Variants in CYP4F2 observed in about 807,000 individuals in gnomAD.
The protein encoded by CYP4F2 is cytochrome P450 family 4 subfamily F member 2, also known as cytochrome P450 4F2.
CYP4F2 carries 58 observed loss-of-function variants against 58.9 expected under a neutral mutation model. The ratio of observed to expected loss-of-function variants is 0.98; its 90% CI spans 0.80 to 1.23. CYP4F2 has a LOEUF of 1.23. Among genes scored for constraint, CYP4F2 ranks in the 50% most tolerant of loss-of-function variants. The pLI is 0.00. For missense variants in CYP4F2, 616 were observed against 685.6 expected, an observed-to-expected ratio of 0.90 and a Z score of 1.13; for synonymous variants, 287 against 261.1, an observed-to-expected ratio of 1.10 and a Z score of -0.95.
rs1478506576 is a variant in CYP4F2, at chr19:15,892,403, C to T, written c.431G>A (p.Trp144Ter). ...DGLLLSAGDK[W>*]SRHRRMLTPA... is the part of the protein sequence containing the mutation. ...CGTCAGCATCCGACGGTGGCGGCTC[C>T]ACTTGTCACCAGCACTCAGCAGGAG... Residue 144 changes from tryptophan (W) to a stop codon, truncating the protein, a stop_gained, in exon 5 of 13, where the codon TGG (tryptophan) becomes TAG (stop). Coordinates refer to ENST00000221700, the MANE Select transcript of CYP4F2 (RefSeq NM_001082.5). LOFTEE classifies it high-confidence loss of function. 2 of 1,614,192 alleles carry T rather than the reference C, an allele frequency of 1.2e-6. No homozygotes were observed. Among genetic ancestry groups the T allele is most frequent in the East Asian group, 2.2e-5 (1 of 44,870 alleles).
In CYP4F2 at chr19:15,886,327, C is replaced by A. The variant is rs1380937780; in HGVS notation, c.919-19G>T. 2 of 1,432,486 alleles carry A rather than the reference C, an allele frequency of 1.4e-6. No homozygotes were observed. The highest frequency in any genetic ancestry group is 1.9e-6 in the Non-Finnish European group (2 of 1,076,602). The allele number at this position is 1,432,486 out of a possible 1,614,324, so 88.7% of individuals were successfully genotyped here. On this transcript the variant is annotated intron_variant, in intron 7 of 12. Transcript: ENST00000221700. Reference sequence around the variant, plus strand: ...CTTCATCCTGGAGAGAAGGCAGTAACCCCCCCCAACCCCCACCCCCATAAA... The same window carrying A: ...CTTCATCCTGGAGAGAAGGCAGTAAACCCCCCCAACCCCCACCCCCATAAA...
At chr19:15,881,050 T>C (rs1363401476) in intron 9 of CYP4F2, among the ~76,000 whole-genome samples, 1 of 152,166 alleles carries the variant, frequency 6.6e-6, no homozygotes, top group Non-Finnish European at 1.5e-5. Context: ...TAGCAAAAGG[T>C]TGGAAACAAG....
rs757299545 is a variant in CYP4F2, at chr19:15,879,876, G to T, written c.1137C>A (p.Pro379=). ...TCTCCTTCATGCACATGGTCAGGAA[G>T]GGCAAATGGGCCAGGTCGTCCCTAA... ...EIEWDDLAHL[P]FLTMCMKESL... The change falls in exon 10 of 13, where the codon CCC becomes CCA. Residue 379 remains proline (P), a synonymous_variant. Coordinates refer to ENST00000221700, the MANE Select transcript of CYP4F2 (RefSeq NM_001082.5). 1.1e-5 allele frequency: 18 copies of T among 1,614,046 alleles called. No homozygotes were observed. In the East Asian group the frequency reaches 1.3e-4, roughly 12 times the overall value.
intron 9 of CYP4F2, among the ~76,000 whole-genome samples, chr19:15,880,425 G>A (rs1401702100): frequency 1.3e-5 from 2 of 152,100 alleles, no homozygotes; most frequent in Non-Finnish European, 2.9e-5. Flanking sequence ...TGAGGAGATC[G>A]AGACCATCCT....
In CYP4F2 at chr19:15,878,636, C is replaced by T. The variant is rs2144998016; in HGVS notation, c.*135G>A. 1 of 1,140,404 alleles carries T rather than the reference C, an allele frequency of 8.8e-7. No individual in the cohort carries two copies. The highest frequency in any genetic ancestry group is 2.7e-5 in the East Asian group (1 of 36,988). 70.6% of individuals were successfully genotyped at this position (1,140,404 alleles called of 1,614,324 possible). ...GCACAAGCGTCTTTCTGTTTGAACA[C>T]TTGTCTCAATTATTTTGAGTAGATA... On this transcript the variant is annotated 3_prime_UTR_variant, in exon 13 of 13. Transcript: ENST00000221700.
At chr19:15,880,383 C>A (rs944430634) in intron 9 of CYP4F2, among the ~76,000 whole-genome samples, 2 of 151,980 alleles carry the variant, frequency 1.3e-5, no homozygotes, top group East Asian at 3.9e-4. Flanking sequence ...AATCCCAGCA[C>A]TTTGGGAGGC....
At chr19:15,879,241 G>C in intron 12 of CYP4F2, 105 bp downstream of exon 12, 4 of 1,454,440 alleles carry the variant, frequency 2.8e-6, no homozygotes, top group Non-Finnish European at 3.8e-6. Flanking sequence ...GAGGGAAAGA[G>C]AGCTGGAACT....
intron 9 of CYP4F2, among the ~76,000 whole-genome samples, chr19:15,881,022 C>T (rs1357170363): frequency 3.3e-5 from 5 of 152,198 alleles, no homozygotes; most frequent in African/African-American, 1.2e-4. Flanking sequence ...CACATGCTGA[C>T]TGCCTCATGT....
At position 15,878,269 on chromosome 19, in the gene CYP4F2, A is replaced by G. The variant is rs1371297007; in HGVS notation, c.*502T>C. ...AACATTTTCACCATCCCGGGAGGAA[A>G]CCCCATACTGATTAGCAGTCGCTCC... On this transcript the variant is annotated 3_prime_UTR_variant, in exon 13 of 13. Transcript: ENST00000221700. 2 of 153,786 alleles carry G rather than the reference A, an allele frequency of 1.3e-5. No homozygotes were observed. The highest frequency in any genetic ancestry group is 4.8e-5 in the African/African-American group (2 of 41,446). The allele number at this position is 153,786 out of a possible 1,614,324, so 9.5% of individuals were successfully genotyped here.
Position 15,885,946 on chromosome 19 carries a change from G to A in CYP4F2, c.1093C>T (p.Arg365Cys), listed in dbSNP as rs200373927. The change falls in exon 9 of 13, where the codon CGT (arginine) becomes TGT (cysteine). Residue 365 changes from arginine to cysteine, a missense_variant. Physicochemically the swap from Arg to Cys is radical, Grantham distance 180. Transcript: ENST00000221700. ...CACCATTCAATCTCTTTAGGCTCAC[G>A]GTCCTTCAGAAGTTCTTGCACCTCC... Reference protein sequence around the residue: ...RQEVQELLKDREPKEIEWDDL... With the variant: ...RQEVQELLKDCEPKEIEWDDL... 3.7e-5 allele frequency: 60 copies of A among 1,613,924 alleles called. No homozygotes were observed. Among genetic ancestry groups the A allele is most frequent in the African/African-American group, 2.0e-4 (15 of 75,034 alleles).
chr19:15,887,591 C>T (rs1039319131), intron 7 of CYP4F2, among the ~76,000 whole-genome samples: 1 of 151,736 alleles, frequency 6.6e-6, no homozygotes, highest in Non-Finnish European at 1.5e-5. Flanking sequence ...TAGACATAGA[C>T]ACAGATATAG....
At chr19:15,891,669 G>A (rs868327245) in intron 5 of CYP4F2, among the ~76,000 whole-genome samples, 1 of 152,134 alleles carries the variant, frequency 6.6e-6, no homozygotes, top group African/African-American at 2.4e-5. Flanking sequence ...AATAACTAAC[G>A]AAGCTAAGCC....
At chr19:15,884,106 G>C (rs939438212) in intron 9 of CYP4F2, among the ~76,000 whole-genome samples, 15 of 151,938 alleles carry the variant, frequency 9.9e-5, no homozygotes, top group Non-Finnish European at 1.8e-4. Context: ...GAGAGAGGGA[G>C]GGAGGGAGGA....
At chr19:15,882,753 CT>C (rs2089353016) in intron 9 of CYP4F2, among the ~76,000 whole-genome samples, 1 of 152,056 alleles carries the variant, frequency 6.6e-6, no homozygotes, top group Non-Finnish European at 1.5e-5. Flanking sequence ...TTTTTGAAAA[CT>C]CGTATTTTAA....
Position 15,895,536 on chromosome 19 carries a change from C to T in CYP4F2, c.313G>A (p.Asp105Asn), listed in dbSNP as rs372270252. The T allele has an allele frequency of 1.2e-5, 19 of 1,542,406 alleles. No homozygotes were observed. Among genetic ancestry groups the T allele is most frequent in the African/African-American group, 5.7e-5 (4 of 69,942 alleles). The part of the protein sequence containing the change: ...ISPLLSLCHP[D>N]IIRSVINASA... Reference sequence around the variant, plus strand: ...GCGTTGATGACAGACCGGATGATGTCGGGGTGGCACAAACTGAGGAGGGGG... The same window carrying T: ...GCGTTGATGACAGACCGGATGATGTTGGGGTGGCACAAACTGAGGAGGGGG... The change falls in exon 3 of 13, where the codon GAC (aspartate) becomes AAC (asparagine). Residue 105 changes from aspartate (D) to asparagine (N), a missense_variant. Transcript: ENST00000221700.
At chr19:15,888,193 G>GAC (rs1234158488) in intron 7 of CYP4F2, among the ~76,000 whole-genome samples, 1 of 141,930 alleles carries the variant, frequency 7.0e-6, no homozygotes, top group African/African-American at 2.6e-5. Flanking sequence ...CATAGACATA[G>GAC]ACACACACAC....
rs768704426 is a variant in CYP4F2, at chr19:15,892,325, C to G, written c.509G>C (p.Ser170Thr). The part of the protein sequence containing the change: ...LKPYMKIFNE[S>T]VNIMHAKWQL... ...ATAACTCACGTGCATGATGTTCACA[C>G]TCTCATTGAAAATCTTCATATAGGG... The change falls in exon 5 of 13, where the codon AGT becomes ACT. Residue 170 changes from serine to threonine, a missense_variant. Ser to Thr is a moderately conservative substitution (Grantham distance 58). Coordinates refer to ENST00000221700, the MANE Select transcript of CYP4F2 (RefSeq NM_001082.5). 6.2e-7 allele frequency: 1 copy of G among 1,614,174 alleles called. No individual in the cohort carries two copies. Among genetic ancestry groups the G allele is most frequent in the Admixed American group, 1.7e-5 (1 of 60,028 alleles).
rs1568474355 is a variant in CYP4F2 at position 15,895,645 on chromosome 19, G to T, written c.204C>A (p.Asn68Lys). The T allele has an allele frequency of 1.3e-6, 2 of 1,595,668 alleles. No homozygotes were observed. Among genetic ancestry groups the T allele is most frequent in the South Asian group, 1.1e-5 (1 of 87,852 alleles). ...GAACTCTCATGCCCTCCTCTGTGGG[G>T]TTGACCTGCAAGCAAGGCAGGGGTC... ...NWFWGHQGMV[N>K]PTEEGMRVLT... Residue 68 changes from asparagine (N) to lysine (K), a missense_variant, in exon 3 of 13, where the codon AAC (asparagine) becomes AAA (lysine). By Grantham distance (94) the Asn-to-Lys change is moderately conservative (BLOSUM62 0). Transcript: ENST00000221700.
chr19:15,885,177 T>G (rs1217141311), intron 9 of CYP4F2, among the ~76,000 whole-genome samples: 1 of 151,736 alleles, frequency 6.6e-6, no homozygotes, highest in Non-Finnish European at 1.5e-5. Flanking sequence ...GGCAGTCTTC[T>G]TGACCTAGAG....
Sources: allele counts gnomAD v4.1 joint callset (sites outside exome capture counted in the v4.1 genomes callset), GRCh38; gene constraint gnomAD v4.1.1; transcripts MANE v1.5; gene names NCBI Gene and HGNC (gene_info 2026-07-23, HGNC 2026-07-21).